The following LRIG3 variants were observed in gnomAD, a reference collection of about 807,000 sequenced individuals.
LRIG3 encodes the protein leucine-rich repeats and immunoglobulin-like domains protein 3.
LRIG3 carries 76 observed loss-of-function variants against 114.5 expected under a neutral mutation model. That is an observed-to-expected ratio of 0.66 (90% confidence interval 0.55 to 0.80). The LOEUF (loss-of-function observed/expected upper bound fraction) is 0.80. Ranked by LOEUF, LRIG3 falls within the 30% of genes least tolerant of loss-of-function variation. The pLI is 0.00. For missense variants in LRIG3, 1,239 were observed against 1,382.8 expected, an observed-to-expected ratio of 0.90 and a Z score of 1.65; for synonymous variants, 512 against 519.8, an observed-to-expected ratio of 0.98 and a Z score of 0.20.
At chr12:58,894,335 G>A (rs1240017712) in intron 3 of LRIG3, among the ~76,000 whole-genome samples, 1 of 152,014 alleles carries the variant, frequency 6.6e-6, no homozygotes, top group East Asian at 1.9e-4. Flanking sequence ...TGTCCTAATG[G>A]AACTGAATTA....
At chr12:58,891,937 C>T (rs1006560403) in intron 3 of LRIG3, among the ~76,000 whole-genome samples, 3 of 152,076 alleles carry the variant, frequency 2.0e-5, no homozygotes, top group African/African-American at 7.2e-5. Flanking sequence ...TAGCCATCCA[C>T]TCCTGGTAGC....
intron 11 of LRIG3, 107 bp downstream of exon 11, chr12:58,883,413 A>G: frequency 3.0e-6 from 2 of 671,494 alleles, no homozygotes; most frequent in Non-Finnish European, 4.7e-6. Context: ...AAGTAATGTT[A>G]AGAATGTGCC....
chr12:58,890,599 T>C, intron 4 of LRIG3, 66 bp downstream of exon 4: 1 of 1,433,114 alleles, frequency 7.0e-7, no homozygotes, highest in Non-Finnish European at 9.3e-7. Flanking sequence ...GTTTGTTATA[T>C]CTTATTTTTT....
intron 3 of LRIG3, among the ~76,000 whole-genome samples, chr12:58,909,402 T>C (rs927180964): frequency 1.3e-5 from 2 of 152,218 alleles, no homozygotes; most frequent in Admixed American, 6.5e-5. Flanking sequence ...CTTCATAGCA[T>C]TGATCATGAA....
intron 1 of LRIG3, chr12:58,919,581 A>G: frequency 1.3e-6 from 2 of 1,538,602 alleles, no homozygotes; most frequent in Non-Finnish European, 1.7e-6. Context: ...TGACGCAGCT[A>G]GAAACTAAAA....
intron 12 of LRIG3, among the ~76,000 whole-genome samples, chr12:58,882,649 C>T (rs1162208315): frequency 1.3e-5 from 2 of 152,152 alleles, no homozygotes; most frequent in African/African-American, 4.8e-5. Flanking sequence ...TTCCACCGCA[C>T]CATCCTGATG....
Position 58,880,578 on chromosome 12 carries a change from T to A in LRIG3, c.1801+3A>T. 1.9e-6 allele frequency: 3 copies of A among 1,609,052 alleles called. No individual in the cohort carries two copies. Among genetic ancestry groups the A allele is most frequent in the Non-Finnish European group, 2.6e-6 (3 of 1,175,834 alleles). ...ATGCTAAAGGAAAAGTCAGATCACATACTATTTACTGTAAGCTTGGCTTTG... is the reference window on the plus strand; with the variant it reads ...ATGCTAAAGGAAAAGTCAGATCACAAACTATTTACTGTAAGCTTGGCTTTG... On this transcript the variant is annotated splice_donor_region_variant and intron_variant, in intron 13 of 18. Coordinates refer to ENST00000320743, the MANE Select transcript of LRIG3 (RefSeq NM_153377.5).
At chr12:58,912,551 A>AG (rs1255308223) in intron 3 of LRIG3, among the ~76,000 whole-genome samples, 1 of 152,180 alleles carries the variant, frequency 6.6e-6, no homozygotes, top group Non-Finnish European at 1.5e-5. Context: ...CTTCCTCACA[A>AG]GTTCTTAATG....
intron 3 of LRIG3, among the ~76,000 whole-genome samples, chr12:58,897,889 C>T (rs1426947435): frequency 6.6e-6 from 1 of 152,158 alleles, no homozygotes; most frequent in African/African-American, 2.4e-5. Flanking sequence ...GACCATTGAT[C>T]TGGTTTGAGT....
In LRIG3 at chr12:58,877,476, C is replaced by G; in HGVS notation, c.2460G>C (p.Val820=). The stretch of plus-strand genomic sequence containing the variant: ...TGACCACCCACACGAGTGACGTGCC[C>G]ACCACACAGCAAACCACGGCTATGA... ...VVIIAVVCCV[V]GTSLVWVVII... is the part of the protein sequence containing the mutation. Residue 820 remains valine (V), a synonymous_variant, in exon 15 of 19, where the codon GTG becomes GTC. Coordinates refer to ENST00000320743, the MANE Select transcript of LRIG3 (RefSeq NM_153377.5). The G allele has an allele frequency of 1.9e-6, 3 of 1,614,192 alleles. No homozygotes were observed. The highest frequency in any genetic ancestry group is 2.5e-6 in the Non-Finnish European group (3 of 1,180,040).
intron 15 of LRIG3, among the ~76,000 whole-genome samples, 195 bp from the exon 16 acceptor site, chr12:58,876,798 C>G (rs1421944394): frequency 6.6e-6 from 1 of 152,174 alleles, no homozygotes; most frequent in Non-Finnish European, 1.5e-5. Flanking sequence ...GACGTATAAG[C>G]TGACTTTCTG....
intron 12 of LRIG3, among the ~76,000 whole-genome samples, chr12:58,881,622 C>T (rs1054870870): frequency 1.3e-5 from 2 of 152,058 alleles, no homozygotes; most frequent in African/African-American, 4.8e-5. Flanking sequence ...GAAAAGTTAC[C>T]TTTTTGAACT....
At chr12:58,902,020 T>C (rs1268378889) in intron 3 of LRIG3, among the ~76,000 whole-genome samples, 1 of 152,208 alleles carries the variant, frequency 6.6e-6, no homozygotes, top group Non-Finnish European at 1.5e-5. Flanking sequence ...TATAATATAA[T>C]ATAGCAAGCT....
At chr12:58,880,471 G>C in intron 13 of LRIG3, 110 bp downstream of exon 13, 1 of 1,053,142 alleles carries the variant, frequency 9.5e-7, no homozygotes, top group Non-Finnish European at 1.4e-6. Flanking sequence ...GAAGAGTCAG[G>C]TGGGGAACTG....
chr12:58,917,536 T>C (rs965086029), intron 1 of LRIG3, among the ~76,000 whole-genome samples: 2 of 152,118 alleles, frequency 1.3e-5, no homozygotes, highest in African/African-American at 4.8e-5. Context: ...GCATTAGAGG[T>C]TATTTTCTAA....
intron 3 of LRIG3, 36 bp from the exon 4 acceptor site, chr12:58,890,832 C>T (rs200782290): frequency 2.5e-5 from 39 of 1,571,542 alleles, no homozygotes; most frequent in Non-Finnish European, 3.1e-5. Context: ...ACAAGGTTAA[C>T]GGTACAACAA....
intron 3 of LRIG3, among the ~76,000 whole-genome samples, chr12:58,900,439 TCTTTTA>T (rs1329604475): frequency 6.6e-6 from 1 of 152,206 alleles, no homozygotes; most frequent in Admixed American, 6.5e-5. Context: ...CACTTTTTAT[TCTTTTA>T]CTTTTATTTT....
intron 1 of LRIG3, among the ~76,000 whole-genome samples, chr12:58,914,952 C>T (rs1428162070): frequency 6.6e-6 from 1 of 152,196 alleles, no homozygotes; most frequent in Non-Finnish European, 1.5e-5. Flanking sequence ...ACATCGCCAT[C>T]TAACAAAGTT....
chr12:58,872,915 GAGTA>G (rs752961877), intron 18 of LRIG3, 99 bp from the exon 19 acceptor site: 72 of 1,477,238 alleles, frequency 4.9e-5, no homozygotes, highest in Non-Finnish European at 5.8e-5. Context: ...CCATGAATAT[GAGTA>G]AGTGTTTTCT....
Sources: allele counts gnomAD v4.1 joint callset (sites outside exome capture counted in the v4.1 genomes callset), GRCh38; gene constraint gnomAD v4.1.1; transcripts MANE v1.5; gene names NCBI Gene and HGNC (gene_info 2026-07-23, HGNC 2026-07-21).